The following CSMD3 variants were observed in gnomAD, a reference collection of about 807,000 sequenced individuals.
CSMD3 encodes the protein CUB and Sushi multiple domains 3, also known as CUB and sushi domain-containing protein 3.
CSMD3 carries 177 observed loss-of-function variants against 435.2 expected under a neutral mutation model. The ratio of observed to expected loss-of-function variants is 0.41; its 90% CI spans 0.36 to 0.46. The LOEUF (loss-of-function observed/expected upper bound fraction) is 0.46. Among genes scored for constraint, CSMD3 ranks in the 20% least tolerant of loss-of-function variants. CSMD3 has a pLI of 0.34. For synonymous variants in CSMD3, 1,656 were observed against 1,520.5 expected (o/e 1.09, Z -2.07); for missense variants, 4,265 against 4,504.6 (o/e 0.95, Z 1.52).
At chr8:113,281,379 T>C (rs931039030) in intron 2 of CSMD3, among the ~76,000 whole-genome samples, 3 of 151,962 alleles carry the variant, frequency 2.0e-5, no homozygotes, top group Non-Finnish European at 4.4e-5. Context: ...TTTAGGATTG[T>C]CATATTTTCC....
rs539164282 is a variant in CSMD3, at chr8:112,910,394, T to A, written c.1633+11233A>T. On this transcript the variant is annotated intron_variant, in intron 10 of 70. Transcript: ENST00000297405. ...CCTTCCTCAGATAACTGTACCTACT[T>A]TACAGAAAAAAATAGGGGTAGAGGG... 2.6e-5 allele frequency among the ~76,000 whole-genome samples: 4 copies of A among 151,872 alleles called. No individual in the cohort carries two copies. The South Asian group carries it at 8.3e-4, about 31-fold the overall frequency.
At chr8:112,371,910 AAAAAC>A (rs1391794658) in intron 38 of CSMD3, among the ~76,000 whole-genome samples, 1 of 152,022 alleles carries the variant, frequency 6.6e-6, no homozygotes, top group African/African-American at 2.4e-5. Context: ...CAAAAAAACA[AAAAAC>A]AAAACAAAAC....
intron 6 of CSMD3, among the ~76,000 whole-genome samples, chr8:113,015,396 T>A (rs1031519613): frequency 6.6e-6 from 1 of 151,982 alleles, no homozygotes; most frequent in African/African-American, 2.4e-5. Flanking sequence ...TAAATTTCTG[T>A]AAAATATTTG....
intron 30 of CSMD3, 92 bp downstream of exon 30, chr8:112,503,698 T>TAACC: frequency 1.2e-6 from 1 of 835,216 alleles, no homozygotes; most frequent in South Asian, 1.7e-5. Context: ...CACATAAAAC[T>TAACC]AACCACTAAC....
At chr8:112,996,985 C>T (rs2085676963) in intron 6 of CSMD3, among the ~76,000 whole-genome samples, 1 of 151,492 alleles carries the variant, frequency 6.6e-6, no homozygotes, top group African/African-American at 2.4e-5. Context: ...GATTATGAAT[C>T]CCTACTTCGG....
At chr8:112,728,846 A>G (rs2077019641) in intron 13 of CSMD3, among the ~76,000 whole-genome samples, 1 of 152,090 alleles carries the variant, frequency 6.6e-6, no homozygotes, top group Non-Finnish European at 1.5e-5. Context: ...ACCATACAAT[A>G]TCTATATGTA....
chr8:112,421,808 C>T (rs1166505031), intron 32 of CSMD3, among the ~76,000 whole-genome samples: 2 of 151,040 alleles, frequency 1.3e-5, no homozygotes, highest in African/African-American at 4.9e-5. Context: ...GAATAAAAAA[C>T]ATTTTTAAAA....
chr8:112,421,535 C>A (rs1307809927), intron 32 of CSMD3, among the ~76,000 whole-genome samples: 3 of 132,766 alleles, frequency 2.3e-5, no homozygotes, highest in African/African-American at 8.9e-5. Context: ...TAGAGGAGGA[C>A]CCCCTGTAAA....
intron 22 of CSMD3, among the ~76,000 whole-genome samples, chr8:112,623,504 G>A (rs763373554): frequency 6.6e-6 from 1 of 151,970 alleles, no homozygotes; most frequent in Non-Finnish European, 1.5e-5. Flanking sequence ...CTTCATTGAT[G>A]AGAATATTTT....
intron 12 of CSMD3, among the ~76,000 whole-genome samples, chr8:112,803,134 A>G (rs942857814): frequency 6.6e-6 from 1 of 152,182 alleles, no homozygotes. Flanking sequence ...AGATCTGCAT[A>G]ACTAGAAGGA....
chr8:113,197,121 C>G (rs1329638475), intron 3 of CSMD3, among the ~76,000 whole-genome samples: 2 of 151,148 alleles, frequency 1.3e-5, no homozygotes, highest in Non-Finnish European at 3.0e-5. Flanking sequence ...ACAGGCTGAG[C>G]ATTACTAATC....
At chr8:112,663,068 C>T (rs997054756) in intron 17 of CSMD3, among the ~76,000 whole-genome samples, 2 of 151,740 alleles carry the variant, frequency 1.3e-5, no homozygotes, top group African/African-American at 4.8e-5. Flanking sequence ...CACTTTTACA[C>T]TGTTGGTGGC....
chr8:112,536,040 T>A (rs1221880385), intron 27 of CSMD3, among the ~76,000 whole-genome samples: 1 of 152,246 alleles, frequency 6.6e-6, no homozygotes, highest in Non-Finnish European at 1.5e-5. Flanking sequence ...ATTAAAGACT[T>A]AAATGTTAGA....
chr8:112,520,464 C>T (rs899464932), intron 27 of CSMD3, among the ~76,000 whole-genome samples: 1 of 151,896 alleles, frequency 6.6e-6, no homozygotes, highest in Non-Finnish European at 1.5e-5. Flanking sequence ...ATCCCATTAC[C>T]AGAAATAACA....
chr8:113,160,348 T>G (rs143382526), intron 4 of CSMD3, among the ~76,000 whole-genome samples: 347 of 152,082 alleles, frequency 2.3e-3, no homozygotes, highest in African/African-American at 8.0e-3. Flanking sequence ...TGGCTTAGAT[T>G]TAGTTACAAG....
At chr8:112,531,087 T>C (rs890049466) in intron 27 of CSMD3, among the ~76,000 whole-genome samples, 2 of 151,882 alleles carry the variant, frequency 1.3e-5, no homozygotes, top group Non-Finnish European at 2.9e-5. Context: ...CCTAGCACAG[T>C]GCAGAGACAA....
At chr8:112,851,255 G>A (rs186573182) in intron 11 of CSMD3, among the ~76,000 whole-genome samples, 22 of 152,176 alleles carry the variant, frequency 1.4e-4, no homozygotes, top group Admixed American at 3.9e-4. Flanking sequence ...TCCCCTCCAG[G>A]ACCACCCGGA....
At chr8:112,807,123 C>T (rs543881123) in intron 12 of CSMD3, among the ~76,000 whole-genome samples, 1 of 152,280 alleles carries the variant, frequency 6.6e-6, no homozygotes, top group South Asian at 2.1e-4. Context: ...TGTCAATTCC[C>T]ATGAGTTACC....
At chr8:113,239,173 T>C (rs900760711) in intron 3 of CSMD3, among the ~76,000 whole-genome samples, 1 of 152,152 alleles carries the variant, frequency 6.6e-6, no homozygotes, top group Non-Finnish European at 1.5e-5. Flanking sequence ...CCATCAGCTC[T>C]CATGGTTATC....
Sources: gnomAD v4.1 joint callset for allele counts (sites outside exome capture counted in the v4.1 genomes callset) on GRCh38, gnomAD v4.1.1 for gene constraint, MANE v1.5 for transcripts, NCBI Gene and HGNC (gene_info 2026-07-23, HGNC 2026-07-21) for gene names.